VPS13B: variants seen among roughly 807,000 people sequenced by gnomAD.
VPS13B encodes the protein intermembrane lipid transfer protein VPS13B.
Under a neutral mutation model 426.4 loss-of-function variants are expected in VPS13B, and 285 were observed. The observed-to-expected ratio is 0.67, with a 90% CI of 0.61 to 0.74. The LOEUF is 0.74. Among genes scored for constraint, VPS13B ranks in the 30% least tolerant of loss-of-function variants. The pLI is 0.00. For missense variants in VPS13B, 4,537 were observed against 4,782.6 expected (o/e 0.95, Z 1.51); for synonymous variants, 1,676 against 1,676.4 (o/e 1.00, Z 0.01).
chr8:99,640,188 C>G (rs1829300424), intron 33 of VPS13B, among the ~76,000 whole-genome samples: 1 of 151,904 alleles, frequency 6.6e-6, no homozygotes, highest in African/African-American at 2.4e-5. Context: ...CTTAGTGCAG[C>G]CTTTTTGGAT....
Position 99,720,470 on chromosome 8 carries a change from T to G in VPS13B, c.6783T>G (p.Pro2261=). ...VSEPVPQMSS[P]VEKNQTFKSE... ...AACCAGTGCCTCAAATGTCATCTCC[T>G]GTGGAAAAGAATCAGACATTTAAAA... The change falls in exon 38 of 62, where the codon CCT becomes CCG. Residue 2261 remains proline, a synonymous_variant. Coordinates refer to ENST00000357162, the MANE Select transcript of VPS13B (RefSeq NM_152564.5). 6.2e-7 allele frequency: 1 copy of G among 1,614,040 alleles called. No homozygotes were observed. The highest frequency in any genetic ancestry group is 8.5e-7 in the Non-Finnish European group (1 of 1,179,932).
At chr8:99,066,220 C>T (rs1250718623) in intron 3 of VPS13B, among the ~76,000 whole-genome samples, 1 of 152,206 alleles carries the variant, frequency 6.6e-6, no homozygotes, top group Admixed American at 6.5e-5. Context: ...AAGAACAAAG[C>T]TGGAGGTATC....
chr8:99,136,732 T>C lies in VPS13B; in HGVS notation c.1631T>C (p.Met544Thr), dbSNP rs764324268. The C allele has an allele frequency of 2.6e-5, 42 of 1,613,488 alleles. No individual in the cohort carries two copies. The highest frequency in any genetic ancestry group is 3.5e-5 in the Non-Finnish European group (41 of 1,179,624). Residue 544 changes from methionine to threonine, a missense_variant, in exon 12 of 62, where the codon ATG becomes ACG. Physicochemically the swap from Met to Thr is moderately conservative, Grantham distance 81. This residue lies in a region of VPS13B where 4,311 missense variants were observed against 4,474.3 expected (regional missense o/e 0.96). Coordinates refer to ENST00000357162, the MANE Select transcript of VPS13B (RefSeq NM_152564.5). ...TTTTATATGGATTACCTGTATACAA[T>C]GGAGAACACTAGTGGCAAAGGTATT... ...GAFYMDYLYT[M>T]ENTSGKGSTN...
At chr8:99,847,502 A>G (rs1816044814) in intron 54 of VPS13B, among the ~76,000 whole-genome samples, 1 of 152,326 alleles carries the variant, frequency 6.6e-6, no homozygotes, top group Non-Finnish European at 1.5e-5. Flanking sequence ...AAGGACTTAT[A>G]TGGAGAAAAG....
chr8:99,574,641 G>T (rs542779572), intron 31 of VPS13B, among the ~76,000 whole-genome samples: 12 of 152,234 alleles, frequency 7.9e-5, no homozygotes, highest in African/African-American at 2.6e-4. Context: ...AAAATATTCT[G>T]CTAAATAACT....
chr8:99,797,633 C>T (rs948625990), intron 43 of VPS13B, among the ~76,000 whole-genome samples: 20 of 152,230 alleles, frequency 1.3e-4, no homozygotes, highest in Admixed American at 1.2e-3. Flanking sequence ...TCCCCTTTTC[C>T]CATTCCTGCC....
At chr8:99,240,571 C>G (rs1816872740) in intron 17 of VPS13B, among the ~76,000 whole-genome samples, 1 of 152,136 alleles carries the variant, frequency 6.6e-6, no homozygotes, top group Non-Finnish European at 1.5e-5. Context: ...ATTATGATTT[C>G]TAAATATTAT....
intron 33 of VPS13B, among the ~76,000 whole-genome samples, chr8:99,582,658 TC>T (rs1301503385): frequency 6.6e-6 from 1 of 151,668 alleles, no homozygotes; most frequent in Non-Finnish European, 1.5e-5. Flanking sequence ...TTCTTTTTTT[TC>T]TTTTTTCTTT....
At chr8:99,285,068 T>G (rs1318355304) in intron 19 of VPS13B, among the ~76,000 whole-genome samples, 1 of 152,226 alleles carries the variant, frequency 6.6e-6, no homozygotes, top group Non-Finnish European at 1.5e-5. Context: ...TTTTCCTTCC[T>G]TAATCTCAAC....
rs376076971 is a variant in VPS13B at position 99,540,103 on chromosome 8, G to A, written c.4746-16347G>A. ...TTTTTTTTTTTTTTTTTTTTGAGAC[G>A]GAGTCTCACTTTGTCGCCCAGGCTA... On this transcript the variant is annotated intron_variant, in intron 30 of 61. Coordinates refer to ENST00000357162, the MANE Select transcript of VPS13B (RefSeq NM_152564.5). Among the ~76,000 whole-genome samples the A allele has an allele frequency of 3.1e-4, 24 of 76,338 alleles. No homozygotes were observed. The East Asian group carries it at 6.8e-3, about 22-fold the overall frequency. The allele number at this position is 76,338 out of a possible 152,430, so 50.1% of individuals were successfully genotyped here.
At chr8:99,469,094 A>G (rs1263532869) in intron 24 of VPS13B, among the ~76,000 whole-genome samples, 2 of 152,088 alleles carry the variant, frequency 1.3e-5, no homozygotes, top group Admixed American at 6.6e-5. Context: ...AGCTTTATTA[A>G]AAGAACACTG....
At position 99,510,166 on chromosome 8, in the gene VPS13B, C is replaced by T. The variant is rs939957043; in HGVS notation, c.4225-938C>T. Among the ~76,000 whole-genome samples the T allele has an allele frequency of 3.3e-5, 5 of 152,152 alleles. No homozygotes were observed. In the South Asian group the frequency reaches 1.0e-3, roughly 32 times the overall value. On this transcript the variant is annotated intron_variant, in intron 28 of 61. Coordinates refer to ENST00000357162, the MANE Select transcript of VPS13B (RefSeq NM_152564.5). ...AAAGACAAATGTTATATTGTTACAT[C>T]ACATTACTGTTTAAATATGCAGTAA...
At chr8:99,610,353 A>G (rs1375056305) in intron 33 of VPS13B, among the ~76,000 whole-genome samples, 1 of 152,234 alleles carries the variant, frequency 6.6e-6, no homozygotes, top group Non-Finnish European at 1.5e-5. Context: ...ATGCCCATCA[A>G]TGATAGACCT....
intron 33 of VPS13B, among the ~76,000 whole-genome samples, chr8:99,580,205 T>C (rs776881172): frequency 5.4e-4 from 82 of 151,626 alleles, no homozygotes; most frequent in Non-Finnish European, 9.1e-4. Context: ...CTGTGAATTA[T>C]AGACCAGTAA....
intron 43 of VPS13B, among the ~76,000 whole-genome samples, chr8:99,805,066 G>GAA (rs1324622987): frequency 6.9e-6 from 1 of 145,476 alleles, no homozygotes; most frequent in East Asian, 2.0e-4. Context: ...TATATTACCA[G>GAA]AATATATATA....
At chr8:99,287,811 TAAAAC>T (rs1298229245) in intron 19 of VPS13B, among the ~76,000 whole-genome samples, 27 of 152,002 alleles carry the variant, frequency 1.8e-4, no homozygotes, top group Admixed American at 1.8e-3. Flanking sequence ...TACTAAATGA[TAAAAC>T]AAAGCTGAGG....
intron 21 of VPS13B, among the ~76,000 whole-genome samples, chr8:99,423,202 T>C (rs1047438508): frequency 1.3e-5 from 2 of 152,146 alleles, no homozygotes; most frequent in African/African-American, 4.8e-5. Flanking sequence ...CCTCACAACT[T>C]TTACTATTTC....
intron 19 of VPS13B, among the ~76,000 whole-genome samples, chr8:99,331,776 T>C (rs533690010): frequency 3.3e-5 from 5 of 151,816 alleles, no homozygotes; most frequent in Middle Eastern, 3.4e-3. Flanking sequence ...GCTGCAAAAA[T>C]AATGGAATTT....
At position 99,511,265 on chromosome 8, in the gene VPS13B, T is replaced by C. The variant is rs1821775372; in HGVS notation, c.4386T>C (p.His1462=). The stretch of plus-strand genomic sequence containing the variant: ...AAGGCCTAATGGATGGTTCTCCTCA[T>C]TTTCTTCATGAAATTCTTCTTTCAG... The part of the protein sequence containing the change: ...LSEGLMDGSP[H]FLHEILLSAQ... Residue 1462 remains histidine, a synonymous_variant, in exon 29 of 62, where the codon CAT becomes CAC. Transcript: ENST00000357162. The C allele has an allele frequency of 6.2e-7, 1 of 1,614,018 alleles. No homozygotes were observed. The highest frequency in any genetic ancestry group is 1.3e-5 in the African/African-American group (1 of 74,942).
Sources: gnomAD v4.1 joint callset for allele counts (sites outside exome capture counted in the v4.1 genomes callset) on GRCh38, gnomAD v4.1.1 for gene constraint, gnomAD v4.1.1 regional missense constraint, MANE v1.5 for transcripts, NCBI Gene and HGNC (gene_info 2026-07-23, HGNC 2026-07-21) for gene names.